Variants in UTRN observed in about 807,000 individuals in gnomAD.
The protein encoded by UTRN is utrophin.
In UTRN, 283 loss-of-function variants were observed where a neutral mutation model predicts 463.9. The ratio of observed to expected loss-of-function variants is 0.61; its 90% confidence interval spans 0.55 to 0.67. The LOEUF (loss-of-function observed/expected upper bound fraction) is 0.67. Among genes scored for constraint, UTRN ranks in the 30% least tolerant of loss-of-function variants. The pLI is 0.00. For missense variants in UTRN, 3,922 were observed against 4,084.3 expected (o/e 0.96, Z 1.08); for synonymous variants, 1,442 against 1,431.5 (o/e 1.01, Z -0.17).
intron 17 of UTRN, among the ~76,000 whole-genome samples, chr6:144,449,885 G>A (rs955105638): frequency 6.6e-6 from 1 of 152,122 alleles, no homozygotes; most frequent in African/African-American, 2.4e-5. Context: ...AAACCTCTGT[G>A]AGCTCAGTAC....
chr6:144,716,988 C>A (rs1482415947), intron 53 of UTRN, among the ~76,000 whole-genome samples: 2 of 152,102 alleles, frequency 1.3e-5, no homozygotes, highest in Non-Finnish European at 2.9e-5. Context: ...TTTTCTGGAT[C>A]ATTTTCTTAG....
chr6:144,850,368 A>G (rs1053088145), intron 74 of UTRN, among the ~76,000 whole-genome samples: 1 of 152,014 alleles, frequency 6.6e-6, no homozygotes, highest in Non-Finnish European at 1.5e-5. Context: ...TGAGGCATGG[A>G]CCAGTTTGGA....
At chr6:144,748,150 C>T (rs1790965431) in intron 54 of UTRN, 96 bp from the exon 55 acceptor site, 2 of 1,426,242 alleles carry the variant, frequency 1.4e-6, no homozygotes, top group Admixed American at 5.3e-5. Flanking sequence ...TACTTTTTCT[C>T]CGTATTTCTC....
chr6:144,740,092 A>G, intron 54 of UTRN, among the ~76,000 whole-genome samples: 1 of 152,192 alleles, frequency 6.6e-6, no homozygotes, highest in East Asian at 1.9e-4. Flanking sequence ...CAGATGAGGA[A>G]ACTGAGAGTC....
At chr6:144,473,658 T>C (rs1419545691) in intron 23 of UTRN, 62 bp from the exon 24 acceptor site, 88 of 1,305,910 alleles carry the variant, frequency 6.7e-5, no homozygotes, top group Non-Finnish European at 7.4e-5. Flanking sequence ...GCGGTAGATC[T>C]TGAGATGTAG....
Position 144,700,198 on chromosome 6 carries a change from T to C in UTRN, c.7764T>C (p.Ile2588=). 1 of 1,613,608 alleles carries C rather than the reference T, an allele frequency of 6.2e-7. No homozygotes were observed. The highest frequency in any genetic ancestry group is 8.5e-7 in the Non-Finnish European group (1 of 1,179,658). The change falls in exon 53 of 75, where the codon ATT becomes ATC. Residue 2588 remains isoleucine, a synonymous_variant. Transcript: ENST00000367545. ...AAGAGCTTAAGAAACAAATGCCTAT[T>C]GGAGGAGATGTTCCAGCCTTACAGC... The part of the protein sequence containing the change: ...KDEELKKQMP[I]GGDVPALQLQ...
At chr6:144,504,396 A>C (rs1794513393) in intron 34 of UTRN, among the ~76,000 whole-genome samples, 1 of 152,126 alleles carries the variant, frequency 6.6e-6, no homozygotes, top group South Asian at 2.1e-4. Context: ...AGCTTTTATT[A>C]TTTTGAGATA....
chr6:144,774,182 G>T, intron 59 of UTRN, 108 bp from the exon 60 acceptor site: 1 of 1,104,534 alleles, frequency 9.1e-7, no homozygotes, highest in Non-Finnish European at 1.3e-6. Flanking sequence ...TTTTATTTCA[G>T]GCAAACATAA....
At chr6:144,627,262 A>G (rs1776044093) in intron 51 of UTRN, among the ~76,000 whole-genome samples, 1 of 152,226 alleles carries the variant, frequency 6.6e-6, no homozygotes, top group African/African-American at 2.4e-5. Flanking sequence ...AAATGGTGTC[A>G]TTCCCATTGT....
At chr6:144,341,132 T>C (rs1777109366) in intron 2 of UTRN, among the ~76,000 whole-genome samples, 1 of 152,242 alleles carries the variant, frequency 6.6e-6, no homozygotes, top group Non-Finnish European at 1.5e-5. Flanking sequence ...AATTTCATAG[T>C]CAGCTCCACG....
Position 144,685,244 on chromosome 6 carries a change from A to G in UTRN, c.7652+6666A>G, listed in dbSNP as rs561532681. Among the ~76,000 whole-genome samples, 3 of 152,294 alleles carry G rather than the reference A, an allele frequency of 2.0e-5. No individual in the cohort carries two copies. In the South Asian group the frequency reaches 6.2e-4, roughly 32 times the overall value. ...CTATGGCTGAGTGGTATTTCATGGT[A>G]TACACATACCACATGTTCCTTATCC... On this transcript the variant is annotated intron_variant, in intron 52 of 74. Coordinates refer to ENST00000367545, the MANE Select transcript of UTRN (RefSeq NM_007124.3).
intron 51 of UTRN, among the ~76,000 whole-genome samples, chr6:144,635,263 A>T (rs1254395650): frequency 6.8e-6 from 1 of 146,184 alleles, no homozygotes; most frequent in Non-Finnish European, 1.5e-5. Flanking sequence ...CGATCCTCCC[A>T]CCTCTGCCTA....
At chr6:144,522,290 T>A in intron 40 of UTRN, 119 bp downstream of exon 40, 1 of 774,596 alleles carries the variant, frequency 1.3e-6, no homozygotes, top group Non-Finnish European at 1.9e-6. Flanking sequence ...AGGGGATTAA[T>A]AATATGTATG....
chr6:144,581,833 C>T (rs80004493), intron 51 of UTRN, among the ~76,000 whole-genome samples: 3,266 of 152,278 alleles, frequency 0.021, 109 homozygotes, highest in African/African-American at 0.074. Context: ...CTTCCCTTTA[C>T]TAGCAATTTC....
chr6:144,371,126 A>G (rs1469240773), intron 2 of UTRN, among the ~76,000 whole-genome samples: 1 of 152,210 alleles, frequency 6.6e-6, no homozygotes, highest in Non-Finnish European at 1.5e-5. Flanking sequence ...GTCAAGTTCA[A>G]CAGGGTCTTC....
At chr6:144,677,464 T>A (rs1585948573) in intron 51 of UTRN, among the ~76,000 whole-genome samples, 1 of 152,250 alleles carries the variant, frequency 6.6e-6, no homozygotes, top group East Asian at 1.9e-4. Context: ...TTTATGGCTG[T>A]ATAGTATTCC....
chr6:144,535,842 C>T (rs1487179337), intron 43 of UTRN, among the ~76,000 whole-genome samples: 1 of 152,158 alleles, frequency 6.6e-6, no homozygotes, highest in Non-Finnish European at 1.5e-5. Flanking sequence ...TGCAATGGTG[C>T]AATCGTAGCT....
intron 51 of UTRN, among the ~76,000 whole-genome samples, chr6:144,593,488 T>G (rs1803327961): frequency 6.6e-6 from 1 of 152,140 alleles, no homozygotes; most frequent in Non-Finnish European, 1.5e-5. Flanking sequence ...GAAGGTAAGC[T>G]TTGGCCTGCA....
rs922880751 is a variant in UTRN at position 144,748,366 on chromosome 6, A to T, written c.8060A>T (p.Asp2687Val). The change falls in exon 55 of 75, where the codon GAC becomes GTC. Residue 2687 changes from aspartate (D) to valine (V), a missense_variant. Asp to Val is a radical substitution (Grantham distance 152, BLOSUM62 -3). Around this residue, in one of 3 missense-constraint regions of UTRN, gnomAD observed 1,309 missense variants for 1,452.6 expected, o/e 0.90. Transcript: ENST00000367545. ...AVTSNWQKQV[D>V]KALEKLRDLQ... Reference sequence around the variant, plus strand: ...ACTAGCAATTGGCAAAAGCAAGTGGACAAGGCATTGGAGAAACTCAGAGAC... The same window carrying T: ...ACTAGCAATTGGCAAAAGCAAGTGGTCAAGGCATTGGAGAAACTCAGAGAC... 4.3e-6 allele frequency: 7 copies of T among 1,613,910 alleles called. No individual in the cohort carries two copies. Among genetic ancestry groups the T allele is most frequent in the Middle Eastern group, 1.7e-4 (1 of 6,060 alleles).
Sources: gnomAD v4.1 joint callset for allele counts (sites outside exome capture counted in the v4.1 genomes callset) on GRCh38, gnomAD v4.1.1 for gene constraint, gnomAD v4.1.1 regional missense constraint, MANE v1.5 for transcripts, NCBI Gene and HGNC (gene_info 2026-07-23, HGNC 2026-07-21) for gene names.